CNTNAP4: variants seen among roughly 807,000 people sequenced by gnomAD.
CNTNAP4 encodes contactin associated protein family member 4.
CNTNAP4 carries 98 observed loss-of-function variants against 148.4 expected under a neutral mutation model. The observed-to-expected ratio is 0.66, with a 90% CI of 0.56 to 0.78. CNTNAP4 has a LOEUF of 0.78. Among genes scored for constraint, CNTNAP4 ranks in the 30% least tolerant of loss-of-function variants. The pLI, the probability that CNTNAP4 is intolerant of heterozygous loss-of-function variation, is 0.00. For synonymous variants in CNTNAP4, 730 were observed against 565.1 expected, an observed-to-expected ratio of 1.29 and a Z score of -4.14; for missense variants, 1,935 against 1,565.6, an observed-to-expected ratio of 1.24 and a Z score of -3.98.
chr16:76,385,758 C>A (rs1237047199), intron 3 of CNTNAP4, among the ~76,000 whole-genome samples: 1 of 152,026 alleles, frequency 6.6e-6, no homozygotes, highest in Non-Finnish European at 1.5e-5. Context: ...TTTAAAGACA[C>A]CTTATATAGT....
chr16:76,462,304 T>A (rs571032794), intron 9 of CNTNAP4, among the ~76,000 whole-genome samples, 199 bp downstream of exon 9: 1 of 152,354 alleles, frequency 6.6e-6, no homozygotes, highest in Non-Finnish European at 1.5e-5. Flanking sequence ...GACTTACTTC[T>A]GTTTACAGTT....
intron 10 of CNTNAP4, among the ~76,000 whole-genome samples, chr16:76,471,885 G>T (rs1243159546): frequency 6.6e-6 from 1 of 152,116 alleles, no homozygotes; most frequent in Non-Finnish European, 1.5e-5. Flanking sequence ...GCGCTCATTG[G>T]CACTTAAGTT....
intron 10 of CNTNAP4, among the ~76,000 whole-genome samples, chr16:76,473,278 T>C (rs1333900017): frequency 1.3e-5 from 2 of 152,220 alleles, no homozygotes; most frequent in South Asian, 2.1e-4. Context: ...TTTATGATTA[T>C]ATTTATGGAT....
intron 10 of CNTNAP4, among the ~76,000 whole-genome samples, chr16:76,473,856 GTTTTGTT>G (rs1238840498): frequency 2.7e-5 from 4 of 147,776 alleles, no homozygotes; most frequent in South Asian, 4.2e-4. Context: ...TTTTTGTTTT[GTTTTGTT>G]TTGTTTTGTT....
intron 17 of CNTNAP4, among the ~76,000 whole-genome samples, chr16:76,527,319 T>C (rs1462349185): frequency 1.3e-5 from 2 of 152,184 alleles, no homozygotes; most frequent in African/African-American, 2.4e-5. Context: ...TAAGTCTTGC[T>C]CTATTCTCAG....
intron 1 of CNTNAP4, among the ~76,000 whole-genome samples, chr16:76,307,442 G>C (rs1960590557): frequency 7.0e-6 from 1 of 142,660 alleles, no homozygotes; most frequent in African/African-American, 2.6e-5. Flanking sequence ...CAGCATCTTT[G>C]GATATATTTT....
In CNTNAP4 at chr16:76,442,456, C is replaced by G. The variant is rs116598114; in HGVS notation, c.539-5556C>G. Among the ~76,000 whole-genome samples the G allele has an allele frequency of 7.0e-3, 1,058 of 152,126 alleles. 8 individuals are homozygous for G. Among genetic ancestry groups the G allele is most frequent in the African/African-American group, 0.024 (999 of 41,506 alleles). ...TGTTGCTATAACAGAATATCTGAGG[C>G]TGGGTAATTTATTAAAAATAGAGGT... On this transcript the variant is annotated intron_variant, in intron 4 of 23. Transcript: ENST00000611870.
chr16:76,499,763 TAACGAGTATGCTG>T (rs2082552155), intron 15 of CNTNAP4, among the ~76,000 whole-genome samples: 1 of 151,060 alleles, frequency 6.6e-6, no homozygotes, highest in South Asian at 2.1e-4. Context: ...TGATGACTCT[TAACGAGTATGCTG>T]CCTTCAAGCA....
intron 1 of CNTNAP4, among the ~76,000 whole-genome samples, chr16:76,288,647 T>C (rs1958986978): frequency 1.3e-5 from 2 of 152,208 alleles, no homozygotes; most frequent in Non-Finnish European, 2.9e-5. Flanking sequence ...AAAAGTTTCC[T>C]TTGCAAAACT....
intron 4 of CNTNAP4, among the ~76,000 whole-genome samples, chr16:76,436,500 A>T (rs2079832374): frequency 6.6e-6 from 1 of 152,060 alleles, no homozygotes; most frequent in Non-Finnish European, 1.5e-5. Context: ...TCTCTAAAGG[A>T]GATAAGACTC....
At chr16:76,476,817 T>C (rs551994639) in intron 11 of CNTNAP4, among the ~76,000 whole-genome samples, 1 of 152,276 alleles carries the variant, frequency 6.6e-6, no homozygotes, top group Admixed American at 6.5e-5. Flanking sequence ...GGGGACTAGG[T>C]TTCAACATAC....
chr16:76,297,405 CATA>C (rs1469390455), intron 1 of CNTNAP4, among the ~76,000 whole-genome samples: 1 of 152,072 alleles, frequency 6.6e-6, no homozygotes, highest in African/African-American at 2.4e-5. Flanking sequence ...TTTGTTCAAT[CATA>C]ATAATGTATT....
chr16:76,286,516 G>T (rs1200299056), intron 1 of CNTNAP4, among the ~76,000 whole-genome samples: 1 of 152,014 alleles, frequency 6.6e-6, no homozygotes, highest in South Asian at 2.1e-4. Flanking sequence ...AAGACCTCAG[G>T]ATCCCCAGTA....
rs3975398 is a variant in CNTNAP4 at position 76,298,486 on chromosome 16, ATGTGTG to A, written c.86-17888_86-17883del. Among the ~76,000 whole-genome samples, 1,064 of 129,450 alleles carry A rather than the reference ATGTGTG, an allele frequency of 8.2e-3. 7 individuals carry two copies. The highest frequency in any genetic ancestry group is 0.012 in the Admixed American group (163 of 13,146). 84.9% of individuals were successfully genotyped at this position (129,450 alleles called of 152,430 possible). ...TGTGTGTGCACATGTGTGTACATGTATGTGTGTGTGTGTGTGTGTGTGTGTGTGTGT... is the reference window on the plus strand; with the variant it reads ...TGTGTGTGCACATGTGTGTACATGTATGTGTGTGTGTGTGTGTGTGTGTGT... On this transcript the variant is annotated intron_variant, in intron 1 of 23. Transcript: ENST00000611870.
chr16:76,322,860 A>G (rs1962569748), intron 2 of CNTNAP4, among the ~76,000 whole-genome samples: 1 of 150,016 alleles, frequency 6.7e-6, no homozygotes, highest in Non-Finnish European at 1.5e-5. Flanking sequence ...TTTTTGAGAC[A>G]GTCTTACTTT....
chr16:76,533,015 T>C (rs1186564133), intron 17 of CNTNAP4, among the ~76,000 whole-genome samples: 2 of 152,046 alleles, frequency 1.3e-5, no homozygotes, highest in African/African-American at 4.8e-5. Flanking sequence ...AAAATCAGTG[T>C]ATTGAAAAGA....
chr16:76,487,708 A>T (rs1283060269), intron 12 of CNTNAP4, among the ~76,000 whole-genome samples: 4 of 152,184 alleles, frequency 2.6e-5, no homozygotes, highest in Non-Finnish European at 5.9e-5. Flanking sequence ...TTAACATCAT[A>T]CCTTGTAGTG....
chr16:76,397,655 T>C lies in CNTNAP4; in HGVS notation c.391-29797T>C, dbSNP rs373065037. 1.1e-3 allele frequency among the ~76,000 whole-genome samples: 171 copies of C among 151,998 alleles called. 3 individuals are homozygous for C. In the South Asian group the frequency reaches 0.021, roughly 19 times the overall value. ...CTGGATGATTCTGATGCATACTAAA[T>C]AAAGAGAACCTCTGTATGCTAGAAA... is the stretch of plus-strand genomic sequence containing the variant. On this transcript the variant is annotated intron_variant, in intron 3 of 23. Coordinates refer to ENST00000611870, the MANE Select transcript of CNTNAP4 (RefSeq NM_033401.5).
At chr16:76,429,911 G>T (rs1224049305) in intron 4 of CNTNAP4, among the ~76,000 whole-genome samples, 1 of 152,182 alleles carries the variant, frequency 6.6e-6, no homozygotes, top group Non-Finnish European at 1.5e-5. Flanking sequence ...CACATATAGT[G>T]AAATAGTGTG....
Sources: allele counts gnomAD v4.1 joint callset (sites outside exome capture counted in the v4.1 genomes callset), GRCh38; gene constraint gnomAD v4.1.1; transcripts MANE v1.5; gene names NCBI Gene and HGNC (gene_info 2026-07-23, HGNC 2026-07-21).